UBAP1: variants seen among roughly 807,000 people sequenced by gnomAD.
UBAP1 encodes ubiquitin-associated protein 1.
In UBAP1, 5 loss-of-function variants were observed where a neutral mutation model predicts 39.0. The ratio of observed to expected loss-of-function variants is 0.13; its 90% CI spans 0.07 to 0.27. UBAP1 has a LOEUF of 0.27. UBAP1 is among the 10% of genes least tolerant of loss of function. The pLI is 1.00. For synonymous variants in UBAP1, 211 were observed against 225.1 expected, an observed-to-expected ratio of 0.94 and a Z score of 0.56; for missense variants, 490 against 608.1, an observed-to-expected ratio of 0.81 and a Z score of 2.04.
At chr9:34,240,005 C>T (rs1423439584) in intron 3 of UBAP1, among the ~76,000 whole-genome samples, 1 of 152,078 alleles carries the variant, frequency 6.6e-6, no homozygotes, top group Non-Finnish European at 1.5e-5. Flanking sequence ...AAGAAATTTC[C>T]AATTTTTTTA....
In UBAP1 at chr9:34,199,355, G is replaced by T. The variant is rs368517579; in HGVS notation, c.-8+20115G>T. Among the ~76,000 whole-genome samples the T allele has an allele frequency of 1.6e-4, 24 of 152,284 alleles. No individual in the cohort carries two copies. In the South Asian group the frequency reaches 5.0e-3, roughly 32 times the overall value. The stretch of plus-strand genomic sequence containing the variant: ...CCCAAAGTGCTGGGATTACAGGCAT[G>T]AGCCACCGCGCCCAGCCTATTATTT... On this transcript the variant is annotated intron_variant, in intron 1 of 6. Transcript: ENST00000297661.
At chr9:34,200,363 T>G (rs1831299349) in intron 1 of UBAP1, among the ~76,000 whole-genome samples, 1 of 152,240 alleles carries the variant, frequency 6.6e-6, no homozygotes, top group East Asian at 1.9e-4. Context: ...ATAGGGCTTG[T>G]TTCTCTGTCA....
chr9:34,223,076 GAGA>G (rs1300473769), intron 2 of UBAP1, among the ~76,000 whole-genome samples: 4 of 152,212 alleles, frequency 2.6e-5, no homozygotes, highest in African/African-American at 9.6e-5. Context: ...ACATTCCAGA[GAGA>G]AGATTATAAT....
chr9:34,197,863 A>C (rs7032947), intron 1 of UBAP1, among the ~76,000 whole-genome samples: 5 of 151,932 alleles, frequency 3.3e-5, no homozygotes, highest in African/African-American at 1.2e-4. Flanking sequence ...TTGATTCTTA[A>C]TGATCTTTTT....
At chr9:34,202,623 A>ATGTGTGTGTG (rs1190189379) in intron 1 of UBAP1, among the ~76,000 whole-genome samples, 1 of 54,510 alleles carries the variant, frequency 1.8e-5, no homozygotes. Context: ...GTAGACAGAA[A>ATGTGTGTGTG]CGTGTGTGTG....
chr9:34,247,415 CT>C (rs1016349267), intron 4 of UBAP1, among the ~76,000 whole-genome samples: 32 of 152,140 alleles, frequency 2.1e-4, no homozygotes, highest in Middle Eastern at 6.8e-3. Context: ...ATAAATATAT[CT>C]TTTTTTCTTA....
chr9:34,191,188 T>G lies in UBAP1; in HGVS notation c.-8+11948T>G, dbSNP rs942404841. Among the ~76,000 whole-genome samples, 5 of 152,270 alleles carry G rather than the reference T, an allele frequency of 3.3e-5. No homozygotes were observed. In the East Asian group the frequency reaches 7.7e-4, roughly 23 times the overall value. On this transcript the variant is annotated intron_variant, in intron 1 of 6. Coordinates refer to ENST00000297661, the MANE Select transcript of UBAP1 (RefSeq NM_016525.5). ...TTGTAGGTCAGTGATTCTCAAAGTT[T>G]TAGTGTGTGTATGGATAACTTGGAT...
intron 1 of UBAP1, among the ~76,000 whole-genome samples, chr9:34,201,032 C>G (rs1301889675): frequency 2.0e-5 from 3 of 152,138 alleles, no homozygotes; most frequent in African/African-American, 7.2e-5. Context: ...GCCTCAGCCT[C>G]CCGAGTGAGT....
At chr9:34,202,682 C>T (rs992426191) in intron 1 of UBAP1, among the ~76,000 whole-genome samples, 4 of 73,692 alleles carry the variant, frequency 5.4e-5, no homozygotes, top group South Asian at 4.8e-4. Context: ...TGTGTGTCCC[C>T]GTCCCCGTAT....
intron 1 of UBAP1, among the ~76,000 whole-genome samples, chr9:34,184,202 G>A (rs1030666674): frequency 3.3e-5 from 5 of 152,124 alleles, no homozygotes; most frequent in African/African-American, 1.2e-4. Context: ...ATTTTCCTAT[G>A]AATCGAGAGT....
At chr9:34,186,970 T>G (rs1327030715) in intron 1 of UBAP1, among the ~76,000 whole-genome samples, 1 of 152,142 alleles carries the variant, frequency 6.6e-6, no homozygotes, top group Non-Finnish European at 1.5e-5. Flanking sequence ...TGCAATGGCG[T>G]GATCTTGGCT....
intron 1 of UBAP1, among the ~76,000 whole-genome samples, chr9:34,207,981 TC>T (rs1214386923): frequency 6.6e-6 from 1 of 152,254 alleles, no homozygotes; most frequent in Non-Finnish European, 1.5e-5. Context: ...CTTGTTGCTG[TC>T]CTTCGTGGGA....
chr9:34,181,455 C>T (rs1234151792), intron 1 of UBAP1, among the ~76,000 whole-genome samples: 2 of 141,486 alleles, frequency 1.4e-5, no homozygotes, highest in African/African-American at 2.6e-5. Context: ...TTTTTTGAGA[C>T]GGAGTCTCCC....
chr9:34,235,244 T>C (rs575867782), intron 3 of UBAP1, among the ~76,000 whole-genome samples: 16 of 152,036 alleles, frequency 1.1e-4, no homozygotes, highest in Admixed American at 5.9e-4. Flanking sequence ...AAAGGCACAG[T>C]AAGTTAGAGT....
intron 1 of UBAP1, among the ~76,000 whole-genome samples, chr9:34,218,007 C>T (rs895284588): frequency 1.3e-5 from 2 of 150,820 alleles, no homozygotes; most frequent in Non-Finnish European, 3.0e-5. Context: ...GATCCCAGCA[C>T]TTTGGGAGGC....
Position 34,235,245 on chromosome 9 carries a change from AAGTT to A in UBAP1, c.159+908_159+911del, listed in dbSNP as rs1359805929. 8.5e-5 allele frequency among the ~76,000 whole-genome samples: 13 copies of A among 152,206 alleles called. 1 individual carries two copies. The highest frequency in any genetic ancestry group is 2.6e-4 in the African/African-American group (11 of 41,520). On this transcript the variant is annotated intron_variant, in intron 3 of 6. Coordinates refer to ENST00000297661, the MANE Select transcript of UBAP1 (RefSeq NM_016525.5). Reference sequence around the variant, plus strand: ...GTTTATAAAGTTAAAAAGGCACAGTAAGTTAGAGTTATTATTTAGAGAAAAATTG... The same window carrying A: ...GTTTATAAAGTTAAAAAGGCACAGTAAGAGTTATTATTTAGAGAAAAATTG...
intron 1 of UBAP1, among the ~76,000 whole-genome samples, chr9:34,185,368 T>C (rs1043455949): frequency 3.9e-5 from 6 of 152,112 alleles, no homozygotes; most frequent in African/African-American, 1.4e-4. Flanking sequence ...GACAACACAG[T>C]GAGACCTGTC....
chr9:34,218,726 G>C (rs997034854), intron 1 of UBAP1, among the ~76,000 whole-genome samples: 4 of 152,066 alleles, frequency 2.6e-5, no homozygotes, highest in Non-Finnish European at 5.9e-5. Flanking sequence ...TTGAGCCCAG[G>C]AGTTTAAGAC....
intron 1 of UBAP1, among the ~76,000 whole-genome samples, chr9:34,207,338 G>A (rs554321183): frequency 1.7e-3 from 258 of 149,716 alleles, no homozygotes; most frequent in African/African-American, 6.0e-3. Context: ...GGGTCACCAC[G>A]CCTGGCCGCT....
Sources: gnomAD v4.1 joint callset for allele counts (sites outside exome capture counted in the v4.1 genomes callset) on GRCh38, gnomAD v4.1.1 for gene constraint, MANE v1.5 for transcripts, NCBI Gene and HGNC (gene_info 2026-07-23, HGNC 2026-07-21) for gene names.